Variants in TAF1B observed in about 807,000 individuals in gnomAD.
TAF1B encodes the protein TATA box-binding protein-associated factor RNA polymerase I subunit B.
TAF1B carries 61 observed loss-of-function variants against 83.9 expected under a neutral mutation model. The ratio of observed to expected loss-of-function variants is 0.73; its 90% confidence interval spans 0.59 to 0.90. The LOEUF (loss-of-function observed/expected upper bound fraction) is 0.90, where lower values mean the gene tolerates loss of function less well. TAF1B is among the 40% of genes least tolerant of loss of function. The probability of loss-of-function intolerance (pLI) is 0.00; values close to 1 mark genes in which losing one functional copy is unlikely to be tolerated. For missense variants in TAF1B, 625 were observed against 677.0 expected, an observed-to-expected ratio of 0.92 and a Z score of 0.85; for synonymous variants, 221 against 224.6, an observed-to-expected ratio of 0.98 and a Z score of 0.14.
chr2:9,924,181 C>G (rs1270474685), intron 14 of TAF1B, among the ~76,000 whole-genome samples: 1 of 152,120 alleles, frequency 6.6e-6, no homozygotes, highest in African/African-American at 2.4e-5. Context: ...TGTTCTAGAC[C>G]AGAGCCTAGA....
At chr2:9,925,939 A>C (rs1254012410) in intron 14 of TAF1B, among the ~76,000 whole-genome samples, 1 of 152,148 alleles carries the variant, frequency 6.6e-6, no homozygotes, top group Non-Finnish European at 1.5e-5. Context: ...ATATTATGTA[A>C]ATCATAATAT....
At chr2:9,928,472 T>C (rs1666112517) in intron 14 of TAF1B, among the ~76,000 whole-genome samples, 1 of 152,256 alleles carries the variant, frequency 6.6e-6, no homozygotes, top group African/African-American at 2.4e-5. Flanking sequence ...TTCACGATAT[T>C]GATTGTTCCT....
chr2:9,889,304 A>G (rs1478066030), intron 8 of TAF1B, among the ~76,000 whole-genome samples: 4 of 151,318 alleles, frequency 2.6e-5, no homozygotes, highest in Non-Finnish European at 5.9e-5. Context: ...TCTGCTTACT[A>G]TGTTTTGTTT....
intron 12 of TAF1B, among the ~76,000 whole-genome samples, chr2:9,916,431 C>G (rs1045631104): frequency 3.3e-5 from 5 of 152,184 alleles, no homozygotes; most frequent in African/African-American, 1.2e-4. Context: ...CTTTCCCATT[C>G]TTGGGGCATA....
rs1174942880 is a variant in TAF1B at position 9,881,598 on chromosome 2, A to C, written c.708-1108A>C. Among the ~76,000 whole-genome samples, 5 of 152,016 alleles carry C rather than the reference A, an allele frequency of 3.3e-5. No homozygotes were observed. In the East Asian group the frequency reaches 9.6e-4, roughly 29 times the overall value. On this transcript the variant is annotated intron_variant, in intron 7 of 14. Transcript: ENST00000263663. ...ACCTAACATACTATAGATTTTACTC[A>C]TCTGTTTTGTATCTTTCTTTTCTCA...
At chr2:9,871,007 C>G (rs1219796433) in intron 6 of TAF1B, among the ~76,000 whole-genome samples, 2 of 152,154 alleles carry the variant, frequency 1.3e-5, no homozygotes, top group African/African-American at 4.8e-5. Flanking sequence ...CTCCCTGGAG[C>G]CTCTGATCTG....
At chr2:9,892,243 G>A (rs1479871035) in intron 8 of TAF1B, among the ~76,000 whole-genome samples, 1 of 152,200 alleles carries the variant, frequency 6.6e-6, no homozygotes, top group African/African-American at 2.4e-5. Flanking sequence ...GGGAGTAGTA[G>A]GCTATCTCAT....
chr2:9,898,938 C>CT lies in TAF1B; in HGVS notation c.808-5910dup, dbSNP rs368467402. Among the ~76,000 whole-genome samples the CT allele has an allele frequency of 3.9e-3, 556 of 143,062 alleles. 4 individuals are homozygous for CT. Among genetic ancestry groups the CT allele is most frequent in the African/African-American group, 0.013 (503 of 38,576 alleles). 93.9% of individuals were successfully genotyped at this position (143,062 alleles called of 152,430 possible). ...CAGACATTACTTACATTCCTTTTTTCTTTTTTTTTTTCTCCTGCCACCTTG... is the reference window on the plus strand; with the variant it reads ...CAGACATTACTTACATTCCTTTTTTCTTTTTTTTTTTTCTCCTGCCACCTTG... On this transcript the variant is annotated intron_variant, in intron 8 of 14. Coordinates refer to ENST00000263663, the MANE Select transcript of TAF1B (RefSeq NM_005680.3).
intron 14 of TAF1B, among the ~76,000 whole-genome samples, chr2:9,931,244 T>C (rs150297960): frequency 0.044 from 6,651 of 152,342 alleles, 223 homozygotes; most frequent in South Asian, 0.066. Context: ...TATTAGTTAA[T>C]GCAGTTTCTT....
At chr2:9,887,992 A>G (rs1664731898) in intron 8 of TAF1B, among the ~76,000 whole-genome samples, 1 of 152,114 alleles carries the variant, frequency 6.6e-6, no homozygotes, top group Non-Finnish European at 1.5e-5. Context: ...AGCTAGGACT[A>G]CAAGCAAATA....
At chr2:9,852,562 G>A (rs990064896) in intron 4 of TAF1B, among the ~76,000 whole-genome samples, 4 of 151,902 alleles carry the variant, frequency 2.6e-5, no homozygotes, top group African/African-American at 4.8e-5. Context: ...CATGATCTTC[G>A]CTCACTGCAA....
At chr2:9,865,299 GACAA>G (rs1291357456) in intron 5 of TAF1B, among the ~76,000 whole-genome samples, 5 of 152,078 alleles carry the variant, frequency 3.3e-5, no homozygotes, top group South Asian at 2.1e-4. Context: ...ACCAATAACA[GACAA>G]ACAGAGAGCC....
chr2:9,923,593 C>T (rs1445934840), intron 14 of TAF1B, among the ~76,000 whole-genome samples: 1 of 151,974 alleles, frequency 6.6e-6, no homozygotes, highest in Non-Finnish European at 1.5e-5. Flanking sequence ...GCAGGCGAAT[C>T]ACTTGAACCC....
At chr2:9,845,509 T>G (rs1277855998) in intron 2 of TAF1B, 191 bp downstream of exon 2, 1 of 481,236 alleles carries the variant, frequency 2.1e-6, no homozygotes, top group African/African-American at 2.0e-5. Context: ...TGAGGATGAG[T>G]TTTTGAAATT....
At chr2:9,868,211 G>T in intron 5 of TAF1B, 65 bp from the exon 6 acceptor site, 66 of 1,440,470 alleles carry the variant, frequency 4.6e-5, no homozygotes, top group East Asian at 1.3e-4. Flanking sequence ...AGTTGTTTAA[G>T]TTCACAGAAA....
intron 6 of TAF1B, among the ~76,000 whole-genome samples, chr2:9,869,253 C>G (rs1664090983): frequency 6.6e-6 from 1 of 151,886 alleles, no homozygotes; most frequent in Non-Finnish European, 1.5e-5. Context: ...GAGATGGAAT[C>G]TAGTTCTGTC....
At position 9,921,467 on chromosome 2, in the gene TAF1B, C is replaced by T. The variant is rs530350294; in HGVS notation, c.1565+1647C>T. ...AACATATTACTCCCCAGAGCACATT[C>T]GTTTTTCTTTAATTGTACTGAAAAT... On this transcript the variant is annotated intron_variant, in intron 14 of 14. Coordinates refer to ENST00000263663, the MANE Select transcript of TAF1B (RefSeq NM_005680.3). Among the ~76,000 whole-genome samples, 128 of 152,200 alleles carry T rather than the reference C, an allele frequency of 8.4e-4. 1 individual carries two copies. The highest frequency in any genetic ancestry group is 2.8e-3 in the African/African-American group (115 of 41,528).
rs768996210 is a variant in TAF1B, at chr2:9,910,864, A to G, written c.1084A>G (p.Ile362Val). 1.2e-6 allele frequency: 2 copies of G among 1,613,176 alleles called. No homozygotes were observed. The highest frequency in any genetic ancestry group is 2.2e-5 in the South Asian group (2 of 90,900). The change falls in exon 10 of 15, where the codon ATT (isoleucine) becomes GTT (valine). Residue 362 changes from isoleucine to valine, a missense_variant. Physicochemically the swap from Ile to Val is conservative, Grantham distance 29. Coordinates refer to ENST00000263663, the MANE Select transcript of TAF1B (RefSeq NM_005680.3). ...VKYDVQAVAI[I>V]VVVLKLLFLL... ...GTACGATGTACAAGCTGTAGCTATC[A>G]TTGTGGTGGTATTGAAACTGCTCTT...
At chr2:9,932,201 G>C (rs983985653) in intron 14 of TAF1B, among the ~76,000 whole-genome samples, 71 of 152,188 alleles carry the variant, frequency 4.7e-4, no homozygotes, top group African/African-American at 1.7e-3. Context: ...ATCCAGCTTT[G>C]TTCCGTTGCT....
Sources: allele counts gnomAD v4.1 joint callset (sites outside exome capture counted in the v4.1 genomes callset), GRCh38; gene constraint gnomAD v4.1.1; transcripts MANE v1.5; gene names NCBI Gene and HGNC (gene_info 2026-07-23, HGNC 2026-07-21).